TRAPPC9: variants seen among roughly 807,000 people sequenced by gnomAD.
TRAPPC9 encodes IKK2 binding protein.
A neutral mutation model predicts 124.0 loss-of-function variants in TRAPPC9; 83 were observed. The ratio of observed to expected loss-of-function variants is 0.67; its 90% CI spans 0.56 to 0.80. The LOEUF is 0.80. TRAPPC9 is among the 30% of genes least tolerant of loss of function. The pLI is 0.00. For synonymous variants in TRAPPC9, 638 were observed against 617.5 expected, an observed-to-expected ratio of 1.03 and a Z score of -0.49; for missense variants, 1,302 against 1,508.3, an observed-to-expected ratio of 0.86 and a Z score of 2.27.
intron 17 of TRAPPC9, among the ~76,000 whole-genome samples, chr8:140,203,188 A>AATT (rs1325643204): frequency 4.6e-5 from 7 of 152,350 alleles, no homozygotes; most frequent in African/African-American, 1.4e-4. Context: ...GAATAGCACT[A>AATT]GTTGAACAAA....
At chr8:140,288,777 C>T (rs1482141048) in intron 12 of TRAPPC9, among the ~76,000 whole-genome samples, 4 of 152,152 alleles carry the variant, frequency 2.6e-5, no homozygotes, top group South Asian at 2.1e-4. Context: ...CGATCAAAAC[C>T]GTCAACTACA....
intron 21 of TRAPPC9, among the ~76,000 whole-genome samples, chr8:139,839,001 CT>C (rs1431939585): frequency 6.6e-6 from 1 of 152,170 alleles, no homozygotes; most frequent in Non-Finnish European, 1.5e-5. Context: ...GGAATTCTCC[CT>C]TTTCACAAGG....
At chr8:140,265,272 T>C (rs1193045871) in intron 15 of TRAPPC9, among the ~76,000 whole-genome samples, 1 of 152,226 alleles carries the variant, frequency 6.6e-6, no homozygotes, top group East Asian at 1.9e-4. Flanking sequence ...GCATAAGGTA[T>C]GCTCAGAAGA....
chr8:140,426,128 A>G (rs2070413969), intron 5 of TRAPPC9, among the ~76,000 whole-genome samples: 1 of 152,252 alleles, frequency 6.6e-6, no homozygotes, highest in South Asian at 2.1e-4. Flanking sequence ...CACTGTAATA[A>G]AAGAGGTTTT....
intron 19 of TRAPPC9, among the ~76,000 whole-genome samples, chr8:139,969,403 C>T (rs922158051): frequency 3.3e-5 from 5 of 152,202 alleles, no homozygotes; most frequent in African/African-American, 4.8e-5. Flanking sequence ...CTGGAGAAAA[C>T]GTGATTCATA....
chr8:139,905,815 C>T (rs1310329787), intron 20 of TRAPPC9, among the ~76,000 whole-genome samples: 1 of 152,134 alleles, frequency 6.6e-6, no homozygotes, highest in Non-Finnish European at 1.5e-5. Flanking sequence ...GGGTACCCAG[C>T]TGGGCGCGGT....
At chr8:139,771,333 C>T (rs976534654) in intron 21 of TRAPPC9, among the ~76,000 whole-genome samples, 5 of 152,120 alleles carry the variant, frequency 3.3e-5, no homozygotes, top group Admixed American at 1.3e-4. Context: ...TCAGTCCTGG[C>T]GCCTCCTGTC....
intron 18 of TRAPPC9, among the ~76,000 whole-genome samples, chr8:140,012,432 ATG>A (rs1274512505): frequency 6.6e-6 from 1 of 152,234 alleles, no homozygotes; most frequent in Non-Finnish European, 1.5e-5. Context: ...AAGACTGAGA[ATG>A]AGAGGGAAGA....
intron 15 of TRAPPC9, among the ~76,000 whole-genome samples, chr8:140,273,519 C>A (rs1438749712): frequency 6.6e-6 from 1 of 152,202 alleles, no homozygotes; most frequent in Non-Finnish European, 1.5e-5. Context: ...TGCAGTGAAG[C>A]CTTTCACACA....
intron 11 of TRAPPC9, among the ~76,000 whole-genome samples, chr8:140,294,003 C>T (rs1255090935): frequency 6.6e-6 from 1 of 152,140 alleles, no homozygotes; most frequent in Non-Finnish European, 1.5e-5. Context: ...CAGTCTATGT[C>T]AGCAGCACAA....
intron 19 of TRAPPC9, among the ~76,000 whole-genome samples, chr8:139,945,860 C>T (rs900228251): frequency 1.3e-5 from 2 of 152,042 alleles, no homozygotes; most frequent in South Asian, 2.1e-4. Flanking sequence ...AATGCATGAA[C>T]GAAATATGAT....
chr8:140,103,041 A>C (rs985386458), intron 17 of TRAPPC9, among the ~76,000 whole-genome samples: 1 of 152,192 alleles, frequency 6.6e-6, no homozygotes, highest in Non-Finnish European at 1.5e-5. Context: ...AGAAAGCAGG[A>C]ATTCCACTAG....
rs1844261743 is a variant in TRAPPC9, at chr8:140,087,373, T to C, written c.2557-63294A>G. Among the ~76,000 whole-genome samples the C allele has an allele frequency of 6.6e-6, 1 of 152,092 alleles. No homozygotes were observed. The highest frequency in any genetic ancestry group is 1.5e-5 in the Non-Finnish European group (1 of 68,024). On this transcript the variant is annotated intron_variant, in intron 17 of 22. Transcript: ENST00000438773. The surrounding 1 kb of genome is among the most constrained non-coding windows in gnomAD (Gnocchi z 4.6). ...ATTTTAAACGCTGCCTCTAAGCTGC[T>C]GACTCTCACACTTCTCCCTCCAGCC...
At chr8:139,767,241 C>G (rs1820640020) in intron 21 of TRAPPC9, among the ~76,000 whole-genome samples, 1 of 152,236 alleles carries the variant, frequency 6.6e-6, no homozygotes, top group South Asian at 2.1e-4. Flanking sequence ...CACAGCTAGA[C>G]AGGGTACAGC....
At chr8:139,812,892 G>A (rs960746045) in intron 21 of TRAPPC9, among the ~76,000 whole-genome samples, 1 of 152,196 alleles carries the variant, frequency 6.6e-6, no homozygotes, top group Non-Finnish European at 1.5e-5. Flanking sequence ...TTTCGGGAAG[G>A]TTAAAAACAC....
chr8:139,922,931 T>C (rs139373051), intron 19 of TRAPPC9, among the ~76,000 whole-genome samples: 1 of 152,190 alleles, frequency 6.6e-6, no homozygotes, highest in Non-Finnish European at 1.5e-5. Context: ...GCAAGAGAAA[T>C]TGGCAGGAGT....
intron 19 of TRAPPC9, among the ~76,000 whole-genome samples, chr8:139,929,186 T>A (rs1465832260): frequency 2.0e-5 from 3 of 152,260 alleles, no homozygotes; most frequent in Admixed American, 1.3e-4. Context: ...TTAGGTTTTA[T>A]ATACTTTTCT....
Position 140,253,107 on chromosome 8 carries a change from A to G in TRAPPC9, c.2279-178T>C, listed in dbSNP as rs62527491. Among the ~76,000 whole-genome samples the G allele has an allele frequency of 0.028, 4,138 of 147,880 alleles. 80 individuals are homozygous for G. Among genetic ancestry groups the G allele is most frequent in the African/African-American group, 0.056 (2,255 of 40,200 alleles). ...AACCAAGAAGTGTTGCAAGGCAATC[A>G]CCCCTGTTTATGAAGGAGGCACAGG... is the stretch of plus-strand genomic sequence containing the variant. On this transcript the variant is annotated intron_variant, in intron 15 of 22. Coordinates refer to ENST00000438773, the MANE Select transcript of TRAPPC9 (RefSeq NM_001160372.4).
intron 16 of TRAPPC9, among the ~76,000 whole-genome samples, chr8:140,239,532 A>C (rs2063810526): frequency 1.3e-5 from 2 of 152,194 alleles, no homozygotes; most frequent in South Asian, 4.1e-4. Flanking sequence ...TGGAGTGAGA[A>C]GGACCAAAGT....
Sources: gnomAD v4.1 joint callset for allele counts (sites outside exome capture counted in the v4.1 genomes callset) on GRCh38, gnomAD v4.1.1 for gene constraint, Gnocchi (gnomAD v3.1) non-coding constraint, MANE v1.5 for transcripts, NCBI Gene and HGNC (gene_info 2026-07-23, HGNC 2026-07-21) for gene names.